Variants in RGS20 observed in about 807,000 individuals in gnomAD.
RGS20 encodes the protein gz-selective GTPase-activating protein.
A neutral mutation model predicts 33.6 loss-of-function variants in RGS20; 30 were observed. The ratio of observed to expected loss-of-function variants is 0.89; its 90% CI spans 0.67 to 1.21. The LOEUF is 1.21. Ranked by LOEUF, RGS20 falls within the 50% of genes most tolerant of loss-of-function variation. RGS20 has a pLI of 0.00. For missense variants in RGS20, 472 were observed against 502.4 expected (o/e 0.94, Z 0.58); for synonymous variants, 208 against 197.9 (o/e 1.05, Z -0.43).
intron 1 of RGS20, among the ~76,000 whole-genome samples, chr8:53,864,815 T>C (rs917332750): frequency 2.0e-5 from 3 of 152,228 alleles, no homozygotes; most frequent in Admixed American, 1.3e-4. Context: ...TTCAGACAAA[T>C]GTTTCATATG....
At chr8:53,885,404 G>A (rs775327613) in intron 2 of RGS20, among the ~76,000 whole-genome samples, 1 of 152,146 alleles carries the variant, frequency 6.6e-6, no homozygotes, top group African/African-American at 2.4e-5. Flanking sequence ...ACGAGGTCAG[G>A]ACATCGAGAC....
intron 3 of RGS20, among the ~76,000 whole-genome samples, chr8:53,941,108 C>T (rs142894478): frequency 8.4e-4 from 128 of 152,302 alleles, no homozygotes; most frequent in African/African-American, 2.8e-3. Flanking sequence ...ACCTGAACAA[C>T]GTATTGTCCC....
intron 2 of RGS20, among the ~76,000 whole-genome samples, chr8:53,910,179 C>A (rs1458835144): frequency 1.3e-5 from 2 of 152,106 alleles, no homozygotes; most frequent in African/African-American, 4.8e-5. Context: ...CTATTAGGAA[C>A]ATGAAGAAAG....
Position 53,939,624 on chromosome 8 carries a change from G to T in RGS20, c.559G>T (p.Ala187Ser), listed in dbSNP as rs1208348071. 6.2e-7 allele frequency: 1 copy of T among 1,605,960 alleles called. No individual in the cohort carries two copies. Among genetic ancestry groups the T allele is most frequent in the Non-Finnish European group, 8.5e-7 (1 of 1,177,138 alleles). The stretch of plus-strand genomic sequence containing the variant: ...GATGCGGAAGCGGCAGATGCCCGCC[G>T]CCCAGGACACACCAGGCGCCGCCCC... Residue 187 changes from alanine (A) to serine (S), a missense_variant, in exon 3 of 6, where the codon GCC becomes TCC. By Grantham distance (99) the Ala-to-Ser change is moderately conservative. Coordinates refer to ENST00000297313, the MANE Select transcript of RGS20 (RefSeq NM_170587.4).
At chr8:53,871,085 T>TGG (rs1288469382) in intron 1 of RGS20, among the ~76,000 whole-genome samples, 12 of 115,648 alleles carry the variant, frequency 1.0e-4, no homozygotes, top group Admixed American at 1.3e-4. Flanking sequence ...TATTCCAGCC[T>TGG]GGGTGACAGA....
In RGS20 at chr8:53,879,559, C is replaced by T. The variant is rs1413734256; in HGVS notation, c.467C>T (p.Pro156Leu). ...AGGCCCCCCCATCCGGTAGCCAAGC[C>T]CAGGGAAGAAGACGCCACCGCTGGG... Residue 156 changes from proline to leucine, a missense_variant, in exon 2 of 6, where the codon CCC becomes CTC. Physicochemically the swap from Pro to Leu is moderately conservative, Grantham distance 98. This residue lies in a region of RGS20 where 319 missense variants were observed against 283.4 expected (regional missense o/e 1.13). Coordinates refer to ENST00000297313, the MANE Select transcript of RGS20 (RefSeq NM_170587.4). 4 of 1,540,776 alleles carry T rather than the reference C, an allele frequency of 2.6e-6. No individual in the cohort carries two copies. The highest frequency in any genetic ancestry group is 2.6e-6 in the Non-Finnish European group (3 of 1,143,928).
At chr8:53,874,300 G>A (rs1812143724) in intron 1 of RGS20, among the ~76,000 whole-genome samples, 3 of 151,960 alleles carry the variant, frequency 2.0e-5, no homozygotes, top group South Asian at 4.1e-4. Context: ...TATGGCAAAC[G>A]GAAGGAGAAA....
At chr8:53,875,435 AAAAAAAAAAAAAAAACC>A (rs1249574529) in intron 1 of RGS20, among the ~76,000 whole-genome samples, 1 of 148,440 alleles carries the variant, frequency 6.7e-6, no homozygotes, top group South Asian at 2.3e-4. Flanking sequence ...CTGTCAAAAA[AAAAAAAAAAAAAAAACC>A]AAAAAAACCA....
intron 1 of RGS20, among the ~76,000 whole-genome samples, chr8:53,855,731 A>G (rs186244994): frequency 6.6e-6 from 1 of 152,300 alleles, no homozygotes; most frequent in East Asian, 1.9e-4. Flanking sequence ...TGTGCACGTG[A>G]TTTCCTATGA....
chr8:53,884,095 C>A (rs1812471984), intron 2 of RGS20, among the ~76,000 whole-genome samples: 2 of 151,344 alleles, frequency 1.3e-5, no homozygotes, highest in Non-Finnish European at 1.5e-5. Context: ...AGACTTCAAA[C>A]TATAAATAAG....
chr8:53,910,516 C>T (rs1005433298), intron 2 of RGS20, among the ~76,000 whole-genome samples: 1 of 152,172 alleles, frequency 6.6e-6, no homozygotes, highest in African/African-American at 2.4e-5. Flanking sequence ...AGATACAGCT[C>T]CTTTGAAAGA....
At chr8:53,866,704 T>A (rs1047088884) in intron 1 of RGS20, among the ~76,000 whole-genome samples, 1 of 152,070 alleles carries the variant, frequency 6.6e-6, no homozygotes, top group Non-Finnish European at 1.5e-5. Context: ...TTTAGAAAGA[T>A]CCCTCATCTG....
intron 5 of RGS20, among the ~76,000 whole-genome samples, chr8:53,957,359 C>T (rs1412325225): frequency 6.6e-6 from 1 of 152,188 alleles, no homozygotes; most frequent in East Asian, 1.9e-4. Flanking sequence ...AACTCCACAG[C>T]GCTGGGATTA....
intron 2 of RGS20, chr8:53,881,029 AC>A: frequency 6.3e-7 from 1 of 1,586,492 alleles, no homozygotes. Flanking sequence ...CGCACGGCGG[AC>A]GGAGGCGAGC....
chr8:53,941,487 A>T (rs1029648910), intron 3 of RGS20, among the ~76,000 whole-genome samples: 4 of 152,230 alleles, frequency 2.6e-5, no homozygotes, highest in Non-Finnish European at 4.4e-5. Flanking sequence ...ACAATCATAG[A>T]TACAACGGGG....
intron 2 of RGS20, chr8:53,880,906 C>G: frequency 9.8e-6 from 15 of 1,529,974 alleles, no homozygotes; most frequent in Non-Finnish European, 1.1e-5. Context: ...GAGAAGAGGG[C>G]TAGAGCAAAG....
At chr8:53,955,692 G>A (rs1814846261) in intron 5 of RGS20, among the ~76,000 whole-genome samples, 2 of 152,112 alleles carry the variant, frequency 1.3e-5, no homozygotes, top group South Asian at 4.1e-4. Flanking sequence ...TTAGCCAGGT[G>A]TGGTAGCATT....
intron 1 of RGS20, among the ~76,000 whole-genome samples, chr8:53,865,974 C>T (rs1023087176): frequency 7.9e-5 from 12 of 152,190 alleles, no homozygotes; most frequent in Non-Finnish European, 5.9e-5. Context: ...AGCTCAGAGC[C>T]TGATGGGAAA....
At chr8:53,865,194 G>A (rs929410214) in intron 1 of RGS20, among the ~76,000 whole-genome samples, 1 of 152,240 alleles carries the variant, frequency 6.6e-6, no homozygotes, top group East Asian at 1.9e-4. Context: ...CGTCTTGTTT[G>A]TTGATTTTCA....
Sources: allele counts gnomAD v4.1 joint callset (sites outside exome capture counted in the v4.1 genomes callset), GRCh38; gene constraint gnomAD v4.1.1; regional missense constraint gnomAD v4.1.1; transcripts MANE v1.5; gene names NCBI Gene and HGNC (gene_info 2026-07-23, HGNC 2026-07-21).